Variants in HEATR5B observed in about 807,000 individuals in gnomAD.
The protein encoded by HEATR5B is HEAT repeat containing 5B, also known as HEAT repeat-containing protein 5B.
Under a neutral mutation model 224.1 loss-of-function variants are expected in HEATR5B, and 156 were observed. That is an observed-to-expected ratio of 0.70 (90% CI 0.61 to 0.80). The LOEUF (loss-of-function observed/expected upper bound fraction) is 0.80. Among genes scored for constraint, HEATR5B ranks in the 30% least tolerant of loss-of-function variants. The pLI is 0.00. For synonymous variants in HEATR5B, 1,027 were observed against 893.0 expected (o/e 1.15, Z -2.68); for missense variants, 2,323 against 2,535.5 (o/e 0.92, Z 1.80).
chr2:37,034,076 G>C (rs1315398296), intron 21 of HEATR5B, among the ~76,000 whole-genome samples: 1 of 151,962 alleles, frequency 6.6e-6, no homozygotes, highest in Admixed American at 6.6e-5. Context: ...TATTAATATA[G>C]CATTTGTAAT....
intron 19 of HEATR5B, 140 bp downstream of exon 19, chr2:37,040,993 T>A: frequency 1.6e-6 from 1 of 635,092 alleles, no homozygotes. Flanking sequence ...ATAAACAAAA[T>A]CTTGCTATGT....
intron 18 of HEATR5B, among the ~76,000 whole-genome samples, chr2:37,045,184 CT>C (rs887039484): frequency 1.6e-4 from 24 of 151,202 alleles, no homozygotes; most frequent in African/African-American, 3.2e-4. Flanking sequence ...CTAATTTCAT[CT>C]TTTTTTTTCA....
chr2:37,059,446 G>GTGTGTGTA (rs1354982525), intron 12 of HEATR5B, among the ~76,000 whole-genome samples: 12 of 42,302 alleles, frequency 2.8e-4, no homozygotes, highest in African/African-American at 8.0e-4. Context: ...GTGTGTGTGT[G>GTGTGTGTA]TATATATATA....
intron 35 of HEATR5B, among the ~76,000 whole-genome samples, chr2:36,985,655 CG>C (rs777683606): frequency 5.3e-4 from 63 of 119,870 alleles, no homozygotes; most frequent in Non-Finnish European, 8.7e-4. Flanking sequence ...TCAGTAGAGA[CG>C]GGGTTTCACC....
At position 37,060,628 on chromosome 2, in the gene HEATR5B, G is replaced by T; in HGVS notation, c.1802C>A (p.Ser601Tyr). Residue 601 changes from serine (S) to tyrosine (Y), a missense_variant, in exon 12 of 36, where the codon TCT (serine) becomes TAT (tyrosine). By Grantham distance (144) the Ser-to-Tyr change is moderately radical. This residue lies in a region of HEATR5B where 502 missense variants were observed against 517.8 expected (regional missense o/e 0.97). Transcript: ENST00000233099. ...ELEAEKARGDSFTWQVTLEGR... is the reference protein window; with the variant it reads ...ELEAEKARGDYFTWQVTLEGR... ...TTCCAAAGTTACCTGCCAGGTAAAA[G>T]AATCGCCTCGGGCCTTCTCAGCTTC... 3.1e-6 allele frequency: 5 copies of T among 1,613,894 alleles called. No homozygotes were observed. Among genetic ancestry groups the T allele is most frequent in the East Asian group, 2.2e-5 (1 of 44,862 alleles).
chr2:37,020,573 G>A, intron 25 of HEATR5B, 82 bp downstream of exon 25: 1 of 972,372 alleles, frequency 1.0e-6, no homozygotes, highest in South Asian at 2.0e-5. Context: ...AGTTCCAAAT[G>A]CAGTCCTCCA....
chr2:37,006,610 C>T (rs1238057988), intron 29 of HEATR5B, among the ~76,000 whole-genome samples: 1 of 152,168 alleles, frequency 6.6e-6, no homozygotes, highest in Non-Finnish European at 1.5e-5. Context: ...CACTGCACTC[C>T]AGCCTGGGCA....
Position 37,068,732 on chromosome 2 carries a change from C to T in HEATR5B, c.1126G>A (p.Ala376Thr). ...GCTTGGCAGATTTCTTTGGCAGCTG[C>T]AATCTGGGCTTTTTCACCTAGCAAA... Reference protein sequence around the residue: ...GSLLGEKAQIAAAKEICQAIG... With the variant: ...GSLLGEKAQITAAKEICQAIG... Residue 376 changes from alanine (A) to threonine (T), a missense_variant, in exon 8 of 36, where the codon GCA (alanine) becomes ACA (threonine). By Grantham distance (58) the Ala-to-Thr change is moderately conservative (BLOSUM62 0). This residue lies in a region of HEATR5B where 502 missense variants were observed against 517.8 expected (regional missense o/e 0.97). Transcript: ENST00000233099. 1 of 1,614,106 alleles carries T rather than the reference C, an allele frequency of 6.2e-7. No homozygotes were observed. Among genetic ancestry groups the T allele is most frequent in the Non-Finnish European group, 8.5e-7 (1 of 1,179,988 alleles).
At chr2:37,000,429 A>G (rs1194565452) in intron 33 of HEATR5B, among the ~76,000 whole-genome samples, 157 bp downstream of exon 33, 1 of 152,212 alleles carries the variant, frequency 6.6e-6, no homozygotes, top group African/African-American at 2.4e-5. Flanking sequence ...CAATCCAGAA[A>G]AGAGTATTAA....
At chr2:37,062,348 T>G (rs889928052) in intron 10 of HEATR5B, among the ~76,000 whole-genome samples, 1 of 152,066 alleles carries the variant, frequency 6.6e-6, no homozygotes, top group African/African-American at 2.4e-5. Flanking sequence ...GAGAATTGCT[T>G]GAACTGGGGA....
At chr2:37,069,753 T>C (rs996548384) in intron 7 of HEATR5B, among the ~76,000 whole-genome samples, 23 of 152,178 alleles carry the variant, frequency 1.5e-4, no homozygotes, top group African/African-American at 5.5e-4. Flanking sequence ...AATTTCCATA[T>C]AAGCATGTAA....
intron 6 of HEATR5B, among the ~76,000 whole-genome samples, chr2:37,071,079 T>C (rs1671876395): frequency 6.6e-6 from 1 of 152,218 alleles, no homozygotes; most frequent in Non-Finnish European, 1.5e-5. Flanking sequence ...GATTAAATTT[T>C]GTAATACACT....
At position 37,028,128 on chromosome 2, in the gene HEATR5B, A is replaced by G; in HGVS notation, c.3648T>C (p.Ala1216=). The change falls in exon 24 of 36, where the codon GCT becomes GCC. Residue 1216 remains alanine, a synonymous_variant. Transcript: ENST00000233099. ...CATCATCCATCTCATCTTTCTTTTC[A>G]GCTTCTTCATCTTTTCCACTACTTA... ...TLLSSGKDEE[A]EKKDEMDDDT... 1.2e-6 allele frequency: 2 copies of G among 1,610,462 alleles called. No individual in the cohort carries two copies. Among genetic ancestry groups the G allele is most frequent in the South Asian group, 2.2e-5 (2 of 91,026 alleles).
chr2:36,984,049 A>G (rs1400850223), intron 35 of HEATR5B, among the ~76,000 whole-genome samples: 1 of 147,094 alleles, frequency 6.8e-6, no homozygotes, highest in Non-Finnish European at 1.5e-5. Context: ...AAATATAACA[A>G]ATTAGCTGGA....
At chr2:37,060,850 A>C (rs1025996416) in intron 11 of HEATR5B, 117 bp from the exon 12 acceptor site, 2 of 690,636 alleles carry the variant, frequency 2.9e-6, no homozygotes, top group Non-Finnish European at 4.7e-6. Context: ...AAATAGAGTA[A>C]AATACTGATG....
intron 17 of HEATR5B, among the ~76,000 whole-genome samples, chr2:37,050,571 T>C (rs1460113495): frequency 6.6e-6 from 1 of 152,258 alleles, no homozygotes; most frequent in African/African-American, 2.4e-5. Flanking sequence ...GGATTGGTTC[T>C]ATCTTTTAAG....
intron 33 of HEATR5B, among the ~76,000 whole-genome samples, chr2:36,996,942 C>T (rs1666759884): frequency 1.3e-5 from 2 of 150,344 alleles, no homozygotes; most frequent in Non-Finnish European, 3.0e-5. Flanking sequence ...AGGCTGGTCT[C>T]GAACTCCTGA....
Position 36,981,591 on chromosome 2 carries a change from C to G in HEATR5B, c.6115G>C (p.Val2039Leu). The change falls in exon 36 of 36, where the codon GTT becomes CTT. Residue 2039 changes from valine to leucine, a missense_variant. Val to Leu is a conservative substitution (Grantham distance 32, BLOSUM62 1). Coordinates refer to ENST00000233099, the MANE Select transcript of HEATR5B (RefSeq NM_019024.3). ...PELKVRLETA[V>L]RASQASKAKA... ...GCTTTGCTCGCTTGGCTTGCTCGAA[C>G]GGCAGTTTCTAGACGCACTTTCAAC... 1 of 1,614,160 alleles carries G rather than the reference C, an allele frequency of 6.2e-7. No homozygotes were observed. Among genetic ancestry groups the G allele is most frequent in the Non-Finnish European group, 8.5e-7 (1 of 1,180,040 alleles).
In HEATR5B at chr2:37,068,682, T is replaced by C. The variant is rs150172872; in HGVS notation, c.1176A>G (p.Val392=). 334 of 1,613,908 alleles carry C rather than the reference T, an allele frequency of 2.1e-4. No individual in the cohort carries two copies. Among genetic ancestry groups the C allele is most frequent in the Non-Finnish European group, 2.7e-4 (314 of 1,179,994 alleles). The change falls in exon 8 of 36, where the codon GTA becomes GTG. Residue 392 remains valine, a splice_region_variant and synonymous_variant. Coordinates refer to ENST00000233099, the MANE Select transcript of HEATR5B (RefSeq NM_019024.3). The stretch of plus-strand genomic sequence containing the variant: ...ACACATAATGATACTGATTCTTACC[T>C]ACGGCTTTCATTTGTTTTCCAATAG... ...CQAIGKQMKA[V]EAVVNDTSGE...
Sources: gnomAD v4.1 joint callset for allele counts (sites outside exome capture counted in the v4.1 genomes callset) on GRCh38, gnomAD v4.1.1 for gene constraint, gnomAD v4.1.1 regional missense constraint, MANE v1.5 for transcripts, NCBI Gene and HGNC (gene_info 2026-07-23, HGNC 2026-07-21) for gene names.